The following SPAG16 variants were observed in gnomAD, a reference collection of about 807,000 sequenced individuals.
SPAG16 encodes sperm associated antigen 16, also known as sperm-associated antigen 16 protein.
A neutral mutation model predicts 80.4 loss-of-function variants in SPAG16; 86 were observed. The ratio of observed to expected loss-of-function variants is 1.07; its 90% CI spans 0.90 to 1.28. SPAG16 has a LOEUF of 1.28. SPAG16 is among the 50% of genes most tolerant of loss of function. The probability of loss-of-function intolerance (pLI) is 0.00; values close to 1 mark genes in which losing one functional copy is unlikely to be tolerated. For missense variants in SPAG16, 870 were observed against 765.3 expected, an observed-to-expected ratio of 1.14 and a Z score of -1.61; for synonymous variants, 294 against 265.9, an observed-to-expected ratio of 1.11 and a Z score of -1.03.
At chr2:214,382,759 T>C (rs1700522459) in intron 15 of SPAG16, among the ~76,000 whole-genome samples, 1 of 152,246 alleles carries the variant, frequency 6.6e-6, no homozygotes, top group Non-Finnish European at 1.5e-5. Flanking sequence ...TTGTTCAATA[T>C]GCAGCCAGAC....
intron 10 of SPAG16, among the ~76,000 whole-genome samples, chr2:213,853,432 T>A: frequency 6.6e-6 from 1 of 152,168 alleles, no homozygotes; most frequent in East Asian, 1.9e-4. Flanking sequence ...TTATAAGAAA[T>A]GTGTCCTATT....
chr2:213,609,526 C>T (rs1253856986), intron 10 of SPAG16, among the ~76,000 whole-genome samples: 1 of 152,154 alleles, frequency 6.6e-6, no homozygotes, highest in African/African-American at 2.4e-5. Context: ...AGTGACTAGC[C>T]AGTCACCCTC....
intron 15 of SPAG16, among the ~76,000 whole-genome samples, chr2:214,150,479 T>C (rs1280510971): frequency 6.6e-6 from 1 of 152,076 alleles, no homozygotes; most frequent in African/African-American, 2.4e-5. Flanking sequence ...TTTCATCTTA[T>C]ATTGCAAAAG....
chr2:213,706,125 C>T lies in SPAG16; in HGVS notation c.1071-156360C>T, dbSNP rs534268040. ...ATTGCTGCTGAGTGTGGTTATTGTG[C>T]ACAACCACAGCAGAGATTTTGAAGT... On this transcript the variant is annotated intron_variant, in intron 10 of 15. Coordinates refer to ENST00000331683, the MANE Select transcript of SPAG16 (RefSeq NM_024532.5). 9.1e-4 allele frequency among the ~76,000 whole-genome samples: 138 copies of T among 152,272 alleles called. 1 individual carries two copies. The highest frequency in any genetic ancestry group is 1.4e-3 in the Non-Finnish European group (94 of 68,032).
intron 15 of SPAG16, among the ~76,000 whole-genome samples, chr2:214,331,028 T>C (rs1477064632): frequency 1.3e-5 from 2 of 152,220 alleles, no homozygotes; most frequent in African/African-American, 2.4e-5. Context: ...AGGTTACTCA[T>C]TGATTCTCTT....
At chr2:214,033,923 C>G (rs1053578353) in intron 13 of SPAG16, among the ~76,000 whole-genome samples, 1 of 152,164 alleles carries the variant, frequency 6.6e-6, no homozygotes, top group African/African-American at 2.4e-5. Context: ...ATTTGTTAAC[C>G]TGCCCCAATA....
At chr2:214,177,135 T>G (rs2057118174) in intron 15 of SPAG16, among the ~76,000 whole-genome samples, 2 of 151,214 alleles carry the variant, frequency 1.3e-5, no homozygotes, top group Admixed American at 1.3e-4. Context: ...ATATGAAAAC[T>G]AAAACCATTT....
intron 7 of SPAG16, among the ~76,000 whole-genome samples, chr2:213,359,406 C>T (rs572088032): frequency 6.6e-6 from 1 of 152,280 alleles, no homozygotes; most frequent in African/African-American, 2.4e-5. Flanking sequence ...GGCAGTAGGC[C>T]TTGCTGAGCT....
intron 15 of SPAG16, among the ~76,000 whole-genome samples, chr2:214,241,619 A>T (rs1393257518): frequency 1.3e-5 from 2 of 152,148 alleles, no homozygotes; most frequent in African/African-American, 4.8e-5. Flanking sequence ...AATAGAAATA[A>T]ATTGATGATG....
At chr2:214,187,647 G>A (rs999090137) in intron 15 of SPAG16, among the ~76,000 whole-genome samples, 1 of 151,748 alleles carries the variant, frequency 6.6e-6, no homozygotes, top group Admixed American at 6.6e-5. Context: ...GGAAGAAAAA[G>A]TCTGGGAATT....
chr2:213,429,248 G>T (rs887610787), intron 9 of SPAG16, among the ~76,000 whole-genome samples: 1 of 152,034 alleles, frequency 6.6e-6, no homozygotes, highest in Non-Finnish European at 1.5e-5. Flanking sequence ...TCTCCAAGGT[G>T]CCTGCCCGTT....
At chr2:213,310,924 A>G (rs1354539077) in intron 4 of SPAG16, among the ~76,000 whole-genome samples, 1 of 151,800 alleles carries the variant, frequency 6.6e-6, no homozygotes, top group Admixed American at 6.6e-5. Flanking sequence ...ATACCTAAAG[A>G]TGTTTATAAT....
chr2:213,943,536 C>G (rs2106296042), intron 12 of SPAG16, among the ~76,000 whole-genome samples: 1 of 152,082 alleles, frequency 6.6e-6, no homozygotes, highest in South Asian at 2.1e-4. Flanking sequence ...TGGCAAGGAA[C>G]CTGGGTGAAT....
At chr2:213,546,898 G>A (rs892447579) in intron 10 of SPAG16, among the ~76,000 whole-genome samples, 2 of 151,938 alleles carry the variant, frequency 1.3e-5, no homozygotes, top group Non-Finnish European at 2.9e-5. Context: ...TAATGAATGT[G>A]TTCTTAAAAT....
rs552412476 is a variant in SPAG16 at position 213,883,196 on chromosome 2, T to G, written c.1214+20568T>G. On this transcript the variant is annotated intron_variant, in intron 11 of 15. Coordinates refer to ENST00000331683, the MANE Select transcript of SPAG16 (RefSeq NM_024532.5). ...TGCATTAGTTACATCCCAGAGATTT[T>G]GGTATTTGTTTGCCTATTTTAATTA... Among the ~76,000 whole-genome samples, 27 of 152,344 alleles carry G rather than the reference T, an allele frequency of 1.8e-4. 1 individual carries two copies. The South Asian group carries it at 5.4e-3, about 30-fold the overall frequency.
chr2:213,502,718 T>A (rs1335146322), intron 10 of SPAG16, among the ~76,000 whole-genome samples: 1 of 152,240 alleles, frequency 6.6e-6, no homozygotes, highest in Non-Finnish European at 1.5e-5. Flanking sequence ...CTATGAACAG[T>A]TCTTTAATAT....
intron 10 of SPAG16, among the ~76,000 whole-genome samples, chr2:213,854,328 A>G (rs1466542417): frequency 6.6e-6 from 1 of 152,232 alleles, no homozygotes; most frequent in Non-Finnish European, 1.5e-5. Flanking sequence ...ATAATGTTGA[A>G]TAATAGTAAT....
At chr2:214,075,263 T>A (rs974326069) in intron 13 of SPAG16, among the ~76,000 whole-genome samples, 5 of 152,046 alleles carry the variant, frequency 3.3e-5, no homozygotes, top group Admixed American at 3.3e-4. Flanking sequence ...TAATAATACA[T>A]TTTGTGGCCC....
intron 15 of SPAG16, among the ~76,000 whole-genome samples, chr2:214,175,385 A>T (rs2057043441): frequency 6.7e-6 from 1 of 150,138 alleles, no homozygotes. Flanking sequence ...AATTGGATTG[A>T]TGAATGTGGT....
Sources: allele counts gnomAD v4.1 joint callset (sites outside exome capture counted in the v4.1 genomes callset), GRCh38; gene constraint gnomAD v4.1.1; transcripts MANE v1.5; gene names NCBI Gene and HGNC (gene_info 2026-07-23, HGNC 2026-07-21).